The following LMCD1 variants were observed in gnomAD, a reference collection of about 807,000 sequenced individuals.
LMCD1 encodes the protein LIM and cysteine-rich domains protein 1.
In LMCD1, 32 loss-of-function variants were observed where a neutral mutation model predicts 42.7. The ratio of observed to expected loss-of-function variants is 0.75; its 90% confidence interval spans 0.57 to 1.01. LMCD1 has a LOEUF of 1.01. LMCD1 is among the 50% of genes least tolerant of loss of function. The pLI is 0.00. For synonymous variants in LMCD1, 178 were observed against 184.9 expected (o/e 0.96, Z 0.30); for missense variants, 458 against 483.1 (o/e 0.95, Z 0.49).
At chr3:8,542,798 G>A (rs1694650816) in intron 3 of LMCD1, among the ~76,000 whole-genome samples, 1 of 152,210 alleles carries the variant, frequency 6.6e-6, no homozygotes, top group Non-Finnish European at 1.5e-5. Context: ...ACTTCTCTGT[G>A]CCTCTGTTTT....
chr3:8,543,377 CTGATAGATAGATAGATAGA>C (rs36212795), intron 3 of LMCD1, among the ~76,000 whole-genome samples: 35,714 of 146,960 alleles, frequency 0.24, 4,514 homozygotes, highest in Non-Finnish European at 0.29. Flanking sequence ...TTTTAAACTG[CTGATAGATAGATAGATAGA>C]TGATAGATAG....
At chr3:8,547,793 G>A (rs1416256667) in intron 3 of LMCD1, among the ~76,000 whole-genome samples, 4 of 152,046 alleles carry the variant, frequency 2.6e-5, no homozygotes, top group Non-Finnish European at 5.9e-5. Flanking sequence ...GGCTGAGGCA[G>A]GAGAATGGCG....
At chr3:8,505,306 G>A (rs1008003) in intron 1 of LMCD1, among the ~76,000 whole-genome samples, 74,189 of 152,066 alleles carry the variant, frequency 0.49, 18,856 homozygotes, top group Non-Finnish European at 0.54. Context: ...CACCCAACGG[G>A]TGCAAAATCT....
intron 4 of LMCD1, chr3:8,550,671 A>G (rs1694824631): frequency 1.0e-6 from 1 of 985,160 alleles, no homozygotes. Context: ...TACATGTCCT[A>G]AGGATGTAAA....
chr3:8,525,917 C>T (rs1032983844), intron 1 of LMCD1, among the ~76,000 whole-genome samples: 1 of 152,202 alleles, frequency 6.6e-6, no homozygotes, highest in African/African-American at 2.4e-5. Context: ...AAAAGATCCC[C>T]AGGAGAGTTT....
At chr3:8,557,519 G>A (rs1380946119) in intron 4 of LMCD1, among the ~76,000 whole-genome samples, 2 of 152,254 alleles carry the variant, frequency 1.3e-5, no homozygotes, top group South Asian at 2.1e-4. Flanking sequence ...TGGCAAACCC[G>A]AGACAGAGAT....
At chr3:8,504,528 A>C (rs1428437812) in intron 1 of LMCD1, among the ~76,000 whole-genome samples, 3 of 152,242 alleles carry the variant, frequency 2.0e-5, no homozygotes, top group Non-Finnish European at 4.4e-5. Flanking sequence ...AGTCATAAAA[A>C]GATCTTCAGC....
chr3:8,536,359 C>G (rs1187032278), intron 2 of LMCD1, among the ~76,000 whole-genome samples: 8 of 152,192 alleles, frequency 5.3e-5, no homozygotes, highest in Non-Finnish European at 5.9e-5. Flanking sequence ...AGCATGACAC[C>G]AAGTAGCCAC....
chr3:8,526,709 AC>A (rs1174235760), intron 1 of LMCD1, among the ~76,000 whole-genome samples: 1 of 152,152 alleles, frequency 6.6e-6, no homozygotes, highest in African/African-American at 2.4e-5. Flanking sequence ...CTGCTTAGAG[AC>A]CACACCTTGA....
At chr3:8,537,615 T>C (rs773357970) in intron 3 of LMCD1, 175 bp downstream of exon 3, 8 of 660,436 alleles carry the variant, frequency 1.2e-5, no homozygotes, top group Admixed American at 6.2e-5. Context: ...AAATGAAGAC[T>C]ATCTGGGCCT....
At chr3:8,518,490 TTGA>T (rs1694139277) in intron 1 of LMCD1, among the ~76,000 whole-genome samples, 1 of 152,126 alleles carries the variant, frequency 6.6e-6, no homozygotes, top group Non-Finnish European at 1.5e-5. Flanking sequence ...AACGGACCAC[TTGA>T]TGAGGAAAAC....
At chr3:8,531,926 C>G (rs1323985176) in intron 1 of LMCD1, among the ~76,000 whole-genome samples, 1 of 152,182 alleles carries the variant, frequency 6.6e-6, no homozygotes, top group East Asian at 1.9e-4. Context: ...GGGTAAGTTT[C>G]TCAGCCAGCA....
intron 1 of LMCD1, among the ~76,000 whole-genome samples, chr3:8,507,007 C>T (rs1385576571): frequency 6.6e-6 from 1 of 152,244 alleles, no homozygotes; most frequent in African/African-American, 2.4e-5. Context: ...ACAGCTGTTG[C>T]TCTTGAAGAG....
At chr3:8,554,416 C>G (rs1332064412) in intron 4 of LMCD1, among the ~76,000 whole-genome samples, 1 of 152,164 alleles carries the variant, frequency 6.6e-6, no homozygotes, top group Non-Finnish European at 1.5e-5. Context: ...TGTTTAGGTT[C>G]TCCAGGGTGG....
At chr3:8,561,549 C>A (rs1312413035) in intron 4 of LMCD1, among the ~76,000 whole-genome samples, 1 of 152,214 alleles carries the variant, frequency 6.6e-6, no homozygotes, top group East Asian at 1.9e-4. Context: ...TGGGCCGTAG[C>A]TTACTGATGC....
chr3:8,502,304 A>ATTATATAAAATATATATTAT, intron 1 of LMCD1, among the ~76,000 whole-genome samples: 1 of 12,360 alleles, frequency 8.1e-5, no homozygotes, highest in South Asian at 1.5e-3. Context: ...TATTATATAT[A>ATTATATAAAATATATATTAT]ATATATAAAA....
rs557787705 is a variant in LMCD1 at position 8,514,104 on chromosome 3, G to GATAC, written c.42+12144_42+12147dup. 6.1e-3 allele frequency among the ~76,000 whole-genome samples: 929 copies of GATAC among 151,552 alleles called. 7 individuals are homozygous for GATAC. The highest frequency in any genetic ancestry group is 0.017 in the East Asian group (86 of 5,170). ...TATATAGATAGATGATTGATAGATA[G>GATAC]ATACATACATACATACATACATAGA... is the stretch of plus-strand genomic sequence containing the variant. On this transcript the variant is annotated intron_variant, in intron 1 of 5. Transcript: ENST00000157600.
At chr3:8,557,974 G>T (rs1424355887) in intron 4 of LMCD1, among the ~76,000 whole-genome samples, 1 of 152,132 alleles carries the variant, frequency 6.6e-6, no homozygotes, top group Non-Finnish European at 1.5e-5. Context: ...GACCTCCGAG[G>T]TCTCTCCACG....
At chr3:8,526,750 G>A (rs1261915264) in intron 1 of LMCD1, among the ~76,000 whole-genome samples, 1 of 152,194 alleles carries the variant, frequency 6.6e-6, no homozygotes, top group East Asian at 1.9e-4. Flanking sequence ...CCCTTGTAGA[G>A]TTGTTGTAAG....
Sources: gnomAD v4.1 joint callset for allele counts (sites outside exome capture counted in the v4.1 genomes callset) on GRCh38, gnomAD v4.1.1 for gene constraint, MANE v1.5 for transcripts, NCBI Gene and HGNC (gene_info 2026-07-23, HGNC 2026-07-21) for gene names.